Variants in CADM2 observed in about 807,000 individuals in gnomAD.
The protein encoded by CADM2 is immunoglobulin superfamily member 4D.
CADM2 carries 12 observed loss-of-function variants against 49.8 expected under a neutral mutation model. That is an observed-to-expected ratio of 0.24 (90% confidence interval 0.15 to 0.39). The LOEUF (loss-of-function observed/expected upper bound fraction) is 0.39, where lower values mean the gene tolerates loss of function less well. CADM2 is among the 10% of genes least tolerant of loss of function. The pLI is 1.00. For synonymous variants in CADM2, 214 were observed against 175.4 expected, an observed-to-expected ratio of 1.22 and a Z score of -1.74; for missense variants, 378 against 492.3, an observed-to-expected ratio of 0.77 and a Z score of 2.20.
At chr3:85,738,237 CTG>C (rs989754260) in intron 2 of CADM2, among the ~76,000 whole-genome samples, 11 of 152,134 alleles carry the variant, frequency 7.2e-5, no homozygotes, top group African/African-American at 2.4e-4. Flanking sequence ...GAGCAAATAT[CTG>C]TGTATATTAG....
At chr3:85,101,668 G>A (rs2038018718) in intron 1 of CADM2, among the ~76,000 whole-genome samples, 1 of 152,138 alleles carries the variant, frequency 6.6e-6, no homozygotes, top group South Asian at 2.1e-4. Flanking sequence ...AGAATTGCAT[G>A]ACTACAGCTT....
chr3:86,015,016 G>A (rs73136105), intron 8 of CADM2: 19,866 of 949,528 alleles, frequency 0.021, 739 homozygotes, highest in African/African-American at 0.14. Context: ...AACATAAATT[G>A]TGACATAAAA....
chr3:85,036,744 A>C (rs1449706508), intron 1 of CADM2, among the ~76,000 whole-genome samples: 1 of 152,174 alleles, frequency 6.6e-6, no homozygotes, highest in African/African-American at 2.4e-5. Context: ...CTCTTATAAC[A>C]ATATTTTAAA....
chr3:85,930,000 T>C (rs576245844), intron 6 of CADM2, among the ~76,000 whole-genome samples: 2 of 152,142 alleles, frequency 1.3e-5, no homozygotes, highest in South Asian at 4.1e-4. Flanking sequence ...AATAACCTCA[T>C]TACTGTAGTA....
chr3:84,995,604 C>T (rs1386619217), intron 1 of CADM2, among the ~76,000 whole-genome samples: 1 of 152,156 alleles, frequency 6.6e-6, no homozygotes, highest in African/African-American at 2.4e-5. Context: ...ATAATACATA[C>T]TTCAGACAAT....
At chr3:85,175,549 C>G (rs1225153846) in intron 1 of CADM2, among the ~76,000 whole-genome samples, 1 of 152,028 alleles carries the variant, frequency 6.6e-6, no homozygotes, top group African/African-American at 2.4e-5. Context: ...CTAGCATAGC[C>G]AAATTCAGAA....
At chr3:85,441,692 A>G (rs1446573679) in intron 1 of CADM2, among the ~76,000 whole-genome samples, 1 of 152,130 alleles carries the variant, frequency 6.6e-6, no homozygotes, top group Non-Finnish European at 1.5e-5. Flanking sequence ...TTTACAAAGG[A>G]AATGTCTTCC....
chr3:85,619,107 T>C (rs1474595895), intron 1 of CADM2, among the ~76,000 whole-genome samples: 1 of 152,032 alleles, frequency 6.6e-6, no homozygotes, highest in African/African-American at 2.4e-5. Context: ...CTGGAGTTAC[T>C]TGCAGAGAAC....
At chr3:85,217,346 A>T (rs1161534657) in intron 1 of CADM2, among the ~76,000 whole-genome samples, 2 of 151,932 alleles carry the variant, frequency 1.3e-5, no homozygotes, top group Non-Finnish European at 2.9e-5. Flanking sequence ...GAAAAATATC[A>T]TAAAATGTAT....
chr3:85,904,652 C>T (rs1716548262), intron 5 of CADM2, among the ~76,000 whole-genome samples: 1 of 152,156 alleles, frequency 6.6e-6, no homozygotes, highest in Non-Finnish European at 1.5e-5. Flanking sequence ...ATAGTTTTCA[C>T]TAGTTATGGT....
intron 1 of CADM2, among the ~76,000 whole-genome samples, chr3:85,639,196 T>A (rs10470567): frequency 0.79 from 120,239 of 152,194 alleles, 48,351 homozygotes; most frequent in African/African-American, 0.95. Context: ...TAAAGATGTT[T>A]CAAATCTTTC....
intron 1 of CADM2, among the ~76,000 whole-genome samples, chr3:85,114,049 C>G (rs192940060): frequency 2.6e-5 from 4 of 151,708 alleles, no homozygotes; most frequent in African/African-American, 9.7e-5. Context: ...TATTTTTAAC[C>G]TCATAAACCA....
intron 1 of CADM2, among the ~76,000 whole-genome samples, chr3:85,074,735 T>C (rs1324032881): frequency 1.3e-5 from 2 of 152,044 alleles, no homozygotes; most frequent in Non-Finnish European, 2.9e-5. Flanking sequence ...TAAATGTCTG[T>C]TGGGAAAAGA....
chr3:85,277,943 C>T (rs1017830206), intron 1 of CADM2, among the ~76,000 whole-genome samples: 7 of 151,216 alleles, frequency 4.6e-5, no homozygotes, highest in African/African-American at 1.7e-4. Flanking sequence ...ATATTGATAG[C>T]CATATATGAC....
At chr3:85,527,418 G>A (rs7650606) in intron 1 of CADM2, among the ~76,000 whole-genome samples, 45,012 of 126,712 alleles carry the variant, frequency 0.36, 10,386 homozygotes, top group East Asian at 0.62. Flanking sequence ...AAAAAATTCT[G>A]TGGAGTCTGT....
chr3:85,470,415 T>A (rs1358681083), intron 1 of CADM2, among the ~76,000 whole-genome samples: 2 of 152,062 alleles, frequency 1.3e-5, no homozygotes, highest in Non-Finnish European at 2.9e-5. Context: ...ATATAGTAGA[T>A]CTTTGTGTTT....
intron 1 of CADM2, among the ~76,000 whole-genome samples, chr3:85,485,467 T>C (rs1278336773): frequency 2.0e-5 from 3 of 151,948 alleles, no homozygotes; most frequent in Non-Finnish European, 4.4e-5. Flanking sequence ...TACCAGCAGG[T>C]GATTGATAAC....
intron 1 of CADM2, among the ~76,000 whole-genome samples, chr3:85,073,587 T>G (rs1214042261): frequency 6.6e-6 from 1 of 152,166 alleles, no homozygotes; most frequent in Non-Finnish European, 1.5e-5. Flanking sequence ...CCTATAGTGC[T>G]TTAATAGAAA....
intron 1 of CADM2, among the ~76,000 whole-genome samples, chr3:85,545,609 A>G (rs2061650713): frequency 6.6e-6 from 1 of 152,186 alleles, no homozygotes; most frequent in South Asian, 2.1e-4. Flanking sequence ...TTTAAATATC[A>G]TGTTTCCTAG....
Sources: allele counts gnomAD v4.1 joint callset (sites outside exome capture counted in the v4.1 genomes callset), GRCh38; gene constraint gnomAD v4.1.1; transcripts MANE v1.5; gene names NCBI Gene and HGNC (gene_info 2026-07-23, HGNC 2026-07-21).